Variants in PCDH15 observed in about 807,000 individuals in gnomAD.
The protein encoded by PCDH15 is protocadherin-15.
A neutral mutation model predicts 178.5 loss-of-function variants in PCDH15; 129 were observed. That is an observed-to-expected ratio of 0.72 (90% CI 0.63 to 0.84). The LOEUF (loss-of-function observed/expected upper bound fraction) is 0.84, where lower values mean the gene tolerates loss of function less well. PCDH15 is among the 40% of genes least tolerant of loss of function. The pLI is 0.00. For missense variants in PCDH15, 2,230 were observed against 2,099.9 expected, an observed-to-expected ratio of 1.06 and a Z score of -1.21; for synonymous variants, 800 against 732.0, an observed-to-expected ratio of 1.09 and a Z score of -1.50.
intron 8 of PCDH15, among the ~76,000 whole-genome samples, chr10:54,261,621 A>C (rs1164544237): frequency 6.6e-6 from 1 of 152,066 alleles, no homozygotes; most frequent in African/African-American, 2.4e-5. Context: ...AAAGTAAAGC[A>C]AGATACATTA....
At chr10:54,169,729 C>G (rs1374384120) in intron 13 of PCDH15, among the ~76,000 whole-genome samples, 1 of 151,862 alleles carries the variant, frequency 6.6e-6, no homozygotes, top group African/African-American at 2.4e-5. Flanking sequence ...CACCCTTACC[C>G]CACTCAACGC....
At chr10:54,479,959 T>C (rs2078589757) in intron 3 of PCDH15, among the ~76,000 whole-genome samples, 1 of 152,046 alleles carries the variant, frequency 6.6e-6, no homozygotes, top group Non-Finnish European at 1.5e-5. Flanking sequence ...TTTTTAGTGA[T>C]TTGATTTAGA....
At chr10:55,340,549 T>A (rs1844526189) in intron 2 of PCDH15, among the ~76,000 whole-genome samples, 2 of 152,014 alleles carry the variant, frequency 1.3e-5, no homozygotes, top group African/African-American at 4.8e-5. Context: ...CCTTTGAGAA[T>A]TTTTTTAATT....
chr10:54,440,267 G>A (rs112443069), intron 3 of PCDH15, among the ~76,000 whole-genome samples: 3 of 152,104 alleles, frequency 2.0e-5, no homozygotes, highest in African/African-American at 7.2e-5. Context: ...TAATGCTTAT[G>A]CAAATAAGCT....
At chr10:54,309,104 G>A (rs1221032582) in intron 8 of PCDH15, among the ~76,000 whole-genome samples, 1 of 151,978 alleles carries the variant, frequency 6.6e-6, no homozygotes. Flanking sequence ...GATTGGCCAA[G>A]GGACTCAGTG....
intron 2 of PCDH15, among the ~76,000 whole-genome samples, chr10:54,958,966 A>G (rs1382451127): frequency 6.6e-6 from 1 of 151,966 alleles, no homozygotes; most frequent in Non-Finnish European, 1.5e-5. Context: ...TAACGTGAGG[A>G]AATACTATAC....
intron 2 of PCDH15, among the ~76,000 whole-genome samples, chr10:55,016,528 C>T (rs931279769): frequency 7.2e-5 from 11 of 152,122 alleles, no homozygotes; most frequent in African/African-American, 2.4e-4. Flanking sequence ...CTGTGCCTGG[C>T]TTATTTCACT....
chr10:54,750,235 T>G (rs1946038519), intron 1 of PCDH15, among the ~76,000 whole-genome samples: 1 of 152,100 alleles, frequency 6.6e-6, no homozygotes, highest in Admixed American at 6.5e-5. Context: ...TGGCTTATAT[T>G]GTTTATGTGA....
At chr10:55,192,985 C>CTTTTT (rs5785122) in intron 1 of PCDH15, among the ~76,000 whole-genome samples, 1 of 132,458 alleles carries the variant, frequency 7.5e-6, no homozygotes. Flanking sequence ...TTCAAAATGG[C>CTTTTT]TTTTTTTTTT....
intron 1 of PCDH15, among the ~76,000 whole-genome samples, chr10:55,230,281 T>C (rs1564913300): frequency 1.3e-5 from 2 of 152,074 alleles, no homozygotes; most frequent in East Asian, 3.8e-4. Flanking sequence ...ATTGCATAAT[T>C]TATACAAAAT....
Position 54,023,037 on chromosome 10 carries a change from C to T in PCDH15, c.2381G>A (p.Gly794Glu). ...YYELVVVATD[G>E]AVHPRHSTLT... ...AGTTGAATGACGAGGGTGTACTGCT[C>T]CATCTGTTGCCACAACAACAAGTTC... The change falls in exon 19 of 38, where the codon GGA becomes GAA. Residue 794 changes from glycine (G) to glutamate (E), a missense_variant. Coordinates refer to ENST00000644397, the MANE Select transcript of PCDH15 (RefSeq NM_001384140.1). The T allele has an allele frequency of 1.2e-6, 2 of 1,613,910 alleles. No homozygotes were observed. Among genetic ancestry groups the T allele is most frequent in the Non-Finnish European group, 1.7e-6 (2 of 1,179,890 alleles).
chr10:55,422,749 G>A (rs908221131), intron 2 of PCDH15, among the ~76,000 whole-genome samples: 1 of 151,768 alleles, frequency 6.6e-6, no homozygotes, highest in Non-Finnish European at 1.5e-5. Flanking sequence ...GAAGAAGAAG[G>A]CAATAAGGAA....
rs150880123 is a variant in PCDH15 at position 55,583,092 on chromosome 10, A to T, written c.-156+44533T>A. Among the ~76,000 whole-genome samples the T allele has an allele frequency of 6.8e-3, 1,038 of 152,268 alleles. 13 individuals are homozygous for T. Among genetic ancestry groups the T allele is most frequent in the African/African-American group, 0.024 (989 of 41,564 alleles). Reference sequence around the variant, plus strand: ...TCCTACCATCAATCTTTACTTCATTATAAAATGCGGTGCTCTTCTAATTAA... The same window carrying T: ...TCCTACCATCAATCTTTACTTCATTTTAAAATGCGGTGCTCTTCTAATTAA... On this transcript the variant is annotated intron_variant, in intron 2 of 5. Coordinates refer to the PCDH15 transcript ENST00000613346.
chr10:54,423,039 C>T (rs1310543329), intron 3 of PCDH15, among the ~76,000 whole-genome samples: 1 of 152,098 alleles, frequency 6.6e-6, no homozygotes, highest in Non-Finnish European at 1.5e-5. Flanking sequence ...CAGCTAGATA[C>T]AGCCAGTTTT....
At chr10:54,032,271 G>A (rs936171483) in intron 18 of PCDH15, among the ~76,000 whole-genome samples, 1 of 151,782 alleles carries the variant, frequency 6.6e-6, no homozygotes, top group Admixed American at 6.6e-5. Context: ...ATCTGAGTAA[G>A]CTAAATGCCT....
chr10:54,019,961 G>A (rs1054937915), intron 20 of PCDH15, among the ~76,000 whole-genome samples: 2 of 151,858 alleles, frequency 1.3e-5, no homozygotes, highest in African/African-American at 2.4e-5. Flanking sequence ...AAATTTCCAT[G>A]GTCTTTGTAC....
intron 26 of PCDH15, among the ~76,000 whole-genome samples, chr10:53,883,669 C>T (rs2080893801): frequency 6.6e-6 from 1 of 152,166 alleles, no homozygotes; most frequent in Admixed American, 6.5e-5. Context: ...AGAACACCAA[C>T]ATTACCAAAG....
At chr10:54,153,627 T>G (rs2133344514) in intron 13 of PCDH15, among the ~76,000 whole-genome samples, 1 of 152,296 alleles carries the variant, frequency 6.6e-6, no homozygotes, top group East Asian at 1.9e-4. Flanking sequence ...ATAGGAAATT[T>G]ATTTTTCCTG....
At chr10:54,745,447 T>C (rs77075167) in intron 1 of PCDH15, among the ~76,000 whole-genome samples, 2,817 of 152,268 alleles carry the variant, frequency 0.019, 85 homozygotes, top group African/African-American at 0.062. Context: ...CCAACAGTTA[T>C]ACGATCTCTC....
Sources: gnomAD v4.1 joint callset for allele counts (sites outside exome capture counted in the v4.1 genomes callset) on GRCh38, gnomAD v4.1.1 for gene constraint, MANE v1.5 for transcripts, NCBI Gene and HGNC (gene_info 2026-07-23, HGNC 2026-07-21) for gene names.